The following CNTN1 variants were observed in gnomAD, a reference collection of about 807,000 sequenced individuals.
CNTN1 encodes contactin-1.
Under a neutral mutation model 126.4 loss-of-function variants are expected in CNTN1, and 38 were observed. That is an observed-to-expected ratio of 0.30 (90% CI 0.23 to 0.39). CNTN1 has a LOEUF of 0.39. CNTN1 is among the 10% of genes least tolerant of loss of function. The pLI, the probability that CNTN1 is intolerant of heterozygous loss-of-function variation, is 1.00. For synonymous variants in CNTN1, 413 were observed against 422.6 expected (o/e 0.98, Z 0.28); for missense variants, 1,009 against 1,248.4 (o/e 0.81, Z 2.89).
rs278912 is a variant in CNTN1 at position 40,992,941 on chromosome 12, A to T, written c.1964-179A>T. Among the ~76,000 whole-genome samples, 39,602 of 152,102 alleles carry T rather than the reference A, an allele frequency of 0.26. 5,568 individuals carry two copies. The highest frequency in any genetic ancestry group is 0.37 in the African/African-American group (15,503 of 41,476). The stretch of plus-strand genomic sequence containing the variant: ...ATATCACTCTTTGTAAGTTTATTAT[A>T]TATTAAACCTCTTCTCTTACTCCCT... On this transcript the variant is annotated intron_variant, in intron 16 of 23. Transcript: ENST00000551295.
intron 14 of CNTN1, among the ~76,000 whole-genome samples, chr12:40,950,965 T>G (rs919710461): frequency 3.3e-5 from 5 of 151,754 alleles, no homozygotes. Context: ...AGCATATATA[T>G]ATAATATAAT....
chr12:40,791,580 G>T (rs1186848807), intron 1 of CNTN1, among the ~76,000 whole-genome samples: 1 of 152,040 alleles, frequency 6.6e-6, no homozygotes, highest in Non-Finnish European at 1.5e-5. Flanking sequence ...AAATATTGTA[G>T]TCATACACCT....
chr12:40,711,671 T>TTCTTCTCCTCCTCC (rs1941915854), intron 1 of CNTN1, among the ~76,000 whole-genome samples: 1 of 151,534 alleles, frequency 6.6e-6, no homozygotes, highest in African/African-American at 2.4e-5. Context: ...CTTTCTTTGT[T>TTCTTCTCCTCCTCC]TCTTCTCCTC....
At chr12:40,907,873 A>C (rs1356500447) in intron 1 of CNTN1, among the ~76,000 whole-genome samples, 3 of 152,238 alleles carry the variant, frequency 2.0e-5, no homozygotes, top group African/African-American at 7.2e-5. Context: ...TGCTAACATC[A>C]TCACCCTTGT....
At chr12:40,951,715 T>TAAAAAAAAAA (rs71078286) in intron 14 of CNTN1, among the ~76,000 whole-genome samples, 5 of 109,994 alleles carry the variant, frequency 4.5e-5, no homozygotes, top group Non-Finnish European at 5.5e-5. Context: ...TCTCAAAATT[T>TAAAAAAAAAA]AAAAAAAAAA....
rs373892406 is a variant in CNTN1, at chr12:41,010,502, T to C, written c.2114-3726T>C. On this transcript the variant is annotated intron_variant, in intron 17 of 23. Transcript: ENST00000551295. ...CTTCCTCTCTTTCTCCTGGATCTCC[T>C]CCTCCTGGTCCCTATTATAAAACAC... Among the ~76,000 whole-genome samples, 23 of 152,294 alleles carry C rather than the reference T, an allele frequency of 1.5e-4. No homozygotes were observed. In the East Asian group the frequency reaches 2.7e-3, roughly 18 times the overall value.
chr12:40,930,092 T>C, intron 7 of CNTN1, 90 bp downstream of exon 7: 1 of 1,073,006 alleles, frequency 9.3e-7, no homozygotes, highest in Non-Finnish European at 1.4e-6. Context: ...CAGTGAAGAC[T>C]AGCTGACTTT....
intron 15 of CNTN1, among the ~76,000 whole-genome samples, 180 bp from the exon 16 acceptor site, chr12:40,980,729 T>C (rs1490823604): frequency 2.0e-5 from 3 of 152,206 alleles, no homozygotes; most frequent in African/African-American, 7.2e-5. Context: ...ATGAAATCAT[T>C]CAGTGAAAAC....
intron 21 of CNTN1, 148 bp downstream of exon 21, chr12:41,025,484 G>A (rs17553480): frequency 0.016 from 11,753 of 741,166 alleles, 178 homozygotes; most frequent in South Asian, 0.044. Context: ...CCCTTAAAAC[G>A]TGAATTATTG....
intron 23 of CNTN1, among the ~76,000 whole-genome samples, chr12:41,057,375 GATAA>G (rs1262875729): frequency 1.3e-5 from 2 of 151,456 alleles, no homozygotes; most frequent in African/African-American, 2.4e-5. Context: ...GAAGAAAGGT[GATAA>G]ATAACACTTA....
chr12:40,890,301 C>T (rs1944196833), intron 1 of CNTN1, among the ~76,000 whole-genome samples: 1 of 152,140 alleles, frequency 6.6e-6, no homozygotes, highest in Non-Finnish European at 1.5e-5. Context: ...ACATCCCGCA[C>T]CAAAGTGGTA....
intron 1 of CNTN1, among the ~76,000 whole-genome samples, chr12:40,815,515 G>T (rs891306622): frequency 5.9e-5 from 9 of 152,124 alleles, no homozygotes; most frequent in Non-Finnish European, 1.2e-4. Context: ...CTGAGACTTT[G>T]CTGAAGTTGT....
At chr12:40,806,526 C>T (rs1940863142) in intron 1 of CNTN1, among the ~76,000 whole-genome samples, 1 of 152,120 alleles carries the variant, frequency 6.6e-6, no homozygotes, top group Non-Finnish European at 1.5e-5. Context: ...CTCCACAGTT[C>T]CCAATCATTT....
intron 15 of CNTN1, among the ~76,000 whole-genome samples, chr12:40,960,757 A>G (rs1947077701): frequency 6.6e-6 from 1 of 152,082 alleles, no homozygotes; most frequent in African/African-American, 2.4e-5. Flanking sequence ...GTTTTCAAGA[A>G]TTATTAGGGA....
In CNTN1 at chr12:40,922,341, A is replaced by C. The variant is rs772448921; in HGVS notation, c.313A>C (p.Lys105Gln). ...GGNLVINNPD[K>Q]QKDAGIYYCL... ...AAACCTTGTTATCAACAACCCTGAC[A>C]AACAGAAAGATGCTGGAATATACTA... Residue 105 changes from lysine to glutamine, a missense_variant, in exon 5 of 24, where the codon AAA (lysine) becomes CAA (glutamine). Transcript: ENST00000551295. 1 of 1,614,096 alleles carries C rather than the reference A, an allele frequency of 6.2e-7. No individual in the cohort carries two copies. Among genetic ancestry groups the C allele is most frequent in the South Asian group, 1.1e-5 (1 of 91,082 alleles).
At chr12:41,065,476 A>G (rs907593191) in intron 23 of CNTN1, among the ~76,000 whole-genome samples, 10 of 152,252 alleles carry the variant, frequency 6.6e-5, no homozygotes, top group African/African-American at 2.4e-4. Flanking sequence ...TGTAGCAAGG[A>G]AACACACACC....
At chr12:40,917,634 A>T (rs1014122250) in intron 3 of CNTN1, among the ~76,000 whole-genome samples, 3 of 152,176 alleles carry the variant, frequency 2.0e-5, no homozygotes, top group Non-Finnish European at 4.4e-5. Context: ...TAGATTGGGC[A>T]GAGACATTCC....
intron 23 of CNTN1, among the ~76,000 whole-genome samples, chr12:41,029,987 C>A (rs1308190776): frequency 6.6e-6 from 1 of 151,514 alleles, no homozygotes; most frequent in Non-Finnish European, 1.5e-5. Flanking sequence ...TTTAATTATA[C>A]TGAATTTCAA....
Position 40,846,116 on chromosome 12 carries a change from A to G in CNTN1, c.-76-62241A>G, listed in dbSNP as rs971808514. Among the ~76,000 whole-genome samples, 5 of 152,206 alleles carry G rather than the reference A, an allele frequency of 3.3e-5. No homozygotes were observed. The South Asian group carries it at 8.3e-4, about 25-fold the overall frequency. On this transcript the variant is annotated intron_variant, in intron 1 of 23. Transcript: ENST00000551295. ...AGGAAGTTAGAAAAACAGTAAACTC[A>G]TACAGATAATTGATACAAAAAGGAC...
Sources: allele counts gnomAD v4.1 joint callset (sites outside exome capture counted in the v4.1 genomes callset), GRCh38; gene constraint gnomAD v4.1.1; transcripts MANE v1.5; gene names NCBI Gene and HGNC (gene_info 2026-07-23, HGNC 2026-07-21).